EVI2B: variants seen among roughly 807,000 people sequenced by gnomAD.
The protein encoded by EVI2B is ecotropic viral integration site 2B.
In EVI2B, 4 loss-of-function variants were observed where a neutral mutation model predicts 6.6. That is an observed-to-expected ratio of 0.61 (90% CI 0.30 to 1.39). The LOEUF (loss-of-function observed/expected upper bound fraction) is 1.39. Ranked by LOEUF, EVI2B falls within the 40% of genes most tolerant of loss-of-function variation. EVI2B has a pLI of 0.08. For synonymous variants in EVI2B, 181 were observed against 186.8 expected, an observed-to-expected ratio of 0.97 and a Z score of 0.25; for missense variants, 484 against 516.6, an observed-to-expected ratio of 0.94 and a Z score of 0.61.
chr17:31,304,815 T>C lies in EVI2B; in HGVS notation c.795A>G (p.Lys265=), dbSNP rs2068664695. The C allele has an allele frequency of 1.2e-6, 2 of 1,614,076 alleles. No individual in the cohort carries two copies. Among genetic ancestry groups the C allele is most frequent in the Non-Finnish European group, 1.7e-6 (2 of 1,180,024 alleles). Residue 265 remains lysine, a synonymous_variant, in exon 2 of 2, where the codon AAA becomes AAG. Coordinates refer to ENST00000330927, the MANE Select transcript of EVI2B (RefSeq NM_006495.4). ...DNIRENEIST[K]RTSIISLTPW... ...GTGTAAGTGAAATGATTGATGTACG[T>C]TTTGTGGATATTTCATTTTCTCTGA...
chr17:31,310,677 A>G (rs563502593), intron 1 of EVI2B, among the ~76,000 whole-genome samples: 42 of 152,060 alleles, frequency 2.8e-4, no homozygotes, highest in African/African-American at 9.7e-4. Flanking sequence ...ATACCTAGCA[A>G]TTATTCCAAA....
chr17:31,304,536 G>C lies in EVI2B; in HGVS notation c.1074C>G (p.Pro358=). 6.2e-7 allele frequency: 1 copy of C among 1,614,162 alleles called. No homozygotes were observed. Among genetic ancestry groups the C allele is most frequent in the Non-Finnish European group, 8.5e-7 (1 of 1,180,010 alleles). The part of the protein sequence containing the change: ...EGQESNQSDK[P]TMTIVSPLPN... ...GAAGAGGAGATACAATTGTCATTGT[G>C]GGTTTGTCAGATTGGTTACTTTCCT... The change falls in exon 2 of 2, where the codon CCC becomes CCG. Residue 358 remains proline (P), a synonymous_variant. Transcript: ENST00000330927.
chr17:31,310,940 CTT>C (rs77429998), intron 1 of EVI2B, among the ~76,000 whole-genome samples: 15 of 130,822 alleles, frequency 1.1e-4, no homozygotes, highest in African/African-American at 8.4e-5. Context: ...AAGACATGTT[CTT>C]TTTTTTTTTT....
At chr17:31,305,674 T>C (rs2068701053) in intron 1 of EVI2B, 44 bp from the exon 2 acceptor site, 1 of 1,512,804 alleles carries the variant, frequency 6.6e-7, no homozygotes, top group Non-Finnish European at 8.9e-7. Context: ...TTAGGCGTCA[T>C]TGGTGTCTAG....
chr17:31,306,578 G>A (rs2068726909), intron 1 of EVI2B, among the ~76,000 whole-genome samples: 1 of 152,010 alleles, frequency 6.6e-6, no homozygotes, highest in African/African-American at 2.4e-5. Flanking sequence ...AATCTTTGAA[G>A]CATCCTTAGT....
At chr17:31,305,777 AT>A in intron 1 of EVI2B, 147 bp from the exon 2 acceptor site, 1 of 715,862 alleles carries the variant, frequency 1.4e-6, no homozygotes, top group Non-Finnish European at 2.3e-6. Flanking sequence ...ATTATTCCTA[AT>A]TTAGACTTGA....
At chr17:31,308,593 A>G (rs1357271508) in intron 1 of EVI2B, among the ~76,000 whole-genome samples, 2 of 151,998 alleles carry the variant, frequency 1.3e-5, no homozygotes, top group Non-Finnish European at 2.9e-5. Context: ...TCCCTGCTAA[A>G]CAGACACTTC....
At chr17:31,305,732 C>T (rs2068702495) in intron 1 of EVI2B, 102 bp from the exon 2 acceptor site, 3 of 956,574 alleles carry the variant, frequency 3.1e-6, no homozygotes, top group Admixed American at 2.9e-5. Context: ...AGTAGGTAGA[C>T]ATTATTCCTA....
intron 1 of EVI2B, among the ~76,000 whole-genome samples, chr17:31,308,124 TTAAGA>T (rs1479223860): frequency 6.6e-6 from 1 of 152,148 alleles, no homozygotes; most frequent in Non-Finnish European, 1.5e-5. Flanking sequence ...TTAATTTCTG[TTAAGA>T]TAAAACTTCC....
At chr17:31,306,507 C>A (rs750668971) in intron 1 of EVI2B, among the ~76,000 whole-genome samples, 3 of 152,114 alleles carry the variant, frequency 2.0e-5, no homozygotes, top group Non-Finnish European at 2.9e-5. Flanking sequence ...TGACTCTTCT[C>A]CCAACTTCTC....
Position 31,304,855 on chromosome 17 carries a change from A to G in EVI2B, c.755T>C (p.Ile252Thr). 6.2e-7 allele frequency: 1 copy of G among 1,614,108 alleles called. No individual in the cohort carries two copies. Among genetic ancestry groups the G allele is most frequent in the South Asian group, 1.1e-5 (1 of 91,080 alleles). Residue 252 changes from isoleucine (I) to threonine (T), a missense_variant, in exon 2 of 2, where the codon ATT becomes ACT. Ile to Thr is a moderately conservative substitution (Grantham distance 89, BLOSUM62 -1). Transcript: ENST00000330927. ...SPFADGETPD[I>T]CMDNIRENEI... ...ATTTTCTCTGATGTTATCCATACAA[A>G]TGTCAGGGGTTTCTCCATCAGCAAA...
chr17:31,306,264 T>G (rs1228715444), intron 1 of EVI2B, among the ~76,000 whole-genome samples: 1 of 152,186 alleles, frequency 6.6e-6, no homozygotes, highest in African/African-American at 2.4e-5. Flanking sequence ...CTACTTTTCT[T>G]TGTTCCTGAT....
rs1352426208 is a variant in EVI2B at position 31,304,193 on chromosome 17, A to G, written c.*70T>C. The G allele has an allele frequency of 8.5e-6, 12 of 1,418,760 alleles. No individual in the cohort carries two copies. Among genetic ancestry groups the G allele is most frequent in the African/African-American group, 1.4e-5 (1 of 69,528 alleles). The allele number at this position is 1,418,760 out of a possible 1,614,324, so 87.9% of individuals were successfully genotyped here. A position where few individuals can be genotyped will look rare whatever the true frequency, so the allele number is the denominator to read the frequency against. ...AATTGACTATCAGTTGCCATTTTAT[A>G]TATGTTAACATATAAAGAAAAAAGA... On this transcript the variant is annotated 3_prime_UTR_variant, in exon 2 of 2. Coordinates refer to ENST00000330927, the MANE Select transcript of EVI2B (RefSeq NM_006495.4).
rs1454338954 is a variant in EVI2B at position 31,305,326 on chromosome 17, T to C, written c.284A>G (p.His95Arg). 2 of 1,614,016 alleles carry C rather than the reference T, an allele frequency of 1.2e-6. No homozygotes were observed. The highest frequency in any genetic ancestry group is 2.7e-5 in the African/African-American group (2 of 74,904). Residue 95 changes from histidine to arginine, a missense_variant, in exon 2 of 2, where the codon CAT (histidine) becomes CGT (arginine). Physicochemically the swap from His to Arg is conservative, Grantham distance 29. Coordinates refer to ENST00000330927, the MANE Select transcript of EVI2B (RefSeq NM_006495.4). Reference protein sequence around the residue: ...VYTSSEKPEAHTSAGQPLAYN... With the variant: ...VYTSSEKPEARTSAGQPLAYN... Reference sequence around the variant, plus strand: ...GGCAAGTGGTTGTCCAGCAGAAGTATGTGCTTCTGGTTTTTCAGAAGAGGT... The same window carrying C: ...GGCAAGTGGTTGTCCAGCAGAAGTACGTGCTTCTGGTTTTTCAGAAGAGGT...
chr17:31,307,813 T>C, intron 1 of EVI2B: 3 of 1,051,164 alleles, frequency 2.9e-6, no homozygotes, highest in Non-Finnish European at 3.9e-6. Flanking sequence ...ACTATAGTTC[T>C]TCTGACTCAT....
Position 31,304,099 on chromosome 17 carries a change from T to TA in EVI2B, c.*163_*164insT. On this transcript the variant is annotated 3_prime_UTR_variant, in exon 2 of 2. Coordinates refer to ENST00000330927, the MANE Select transcript of EVI2B (RefSeq NM_006495.4). The stretch of plus-strand genomic sequence containing the variant: ...ATAGATTACTGTTAAATAACTTTTT[T>TA]TAAAAAAAAGTTTCATCTATGCACA... 2 of 604,674 alleles carry TA rather than the reference T, an allele frequency of 3.3e-6. No homozygotes were observed. The highest frequency in any genetic ancestry group is 2.8e-5 in the South Asian group (1 of 35,828). The allele number at this position is 604,674 out of a possible 1,614,324, so 37.5% of individuals were successfully genotyped here.
intron 1 of EVI2B, among the ~76,000 whole-genome samples, chr17:31,310,630 C>A (rs1359440982): frequency 1.3e-5 from 2 of 152,112 alleles, no homozygotes; most frequent in Non-Finnish European, 2.9e-5. Context: ...TCCTTACCAT[C>A]CTCTCCCTTT....
chr17:31,308,394 G>A (rs765979166), intron 1 of EVI2B, among the ~76,000 whole-genome samples: 8 of 152,082 alleles, frequency 5.3e-5, no homozygotes, highest in Non-Finnish European at 1.0e-4. Flanking sequence ...GTCCGCCTCA[G>A]CCTCCCAAAA....
At chr17:31,306,099 C>T (rs1214974941) in intron 1 of EVI2B, among the ~76,000 whole-genome samples, 2 of 152,108 alleles carry the variant, frequency 1.3e-5, no homozygotes, top group Admixed American at 1.3e-4. Context: ...TATTTCTTCT[C>T]TCCCCTCCCC....
Sources: allele counts gnomAD v4.1 joint callset (sites outside exome capture counted in the v4.1 genomes callset), GRCh38; gene constraint gnomAD v4.1.1; transcripts MANE v1.5; gene names NCBI Gene and HGNC (gene_info 2026-07-23, HGNC 2026-07-21).